The following PTDSS2 variants were observed in gnomAD, a reference collection of about 807,000 sequenced individuals.
PTDSS2 encodes phosphatidylserine synthase 2.
A neutral mutation model predicts 64.7 loss-of-function variants in PTDSS2; 41 were observed. The observed-to-expected ratio is 0.63, with a 90% CI of 0.49 to 0.82. The LOEUF is 0.82. Ranked by LOEUF, PTDSS2 falls within the 40% of genes least tolerant of loss-of-function variation. PTDSS2 has a pLI of 0.00. For synonymous variants in PTDSS2, 297 were observed against 277.8 expected, an observed-to-expected ratio of 1.07 and a Z score of -0.69; for missense variants, 485 against 650.0, an observed-to-expected ratio of 0.75 and a Z score of 2.76.
intron 1 of PTDSS2, among the ~76,000 whole-genome samples, chr11:452,607 T>C (rs1846389130): frequency 6.6e-6 from 1 of 152,172 alleles, no homozygotes. Context: ...GGTACCTCCT[T>C]CCTGGGTCTT....
At position 465,153 on chromosome 11, in the gene PTDSS2, T is replaced by C. The variant is rs1342439685; in HGVS notation, c.284+4865T>C. Among the ~76,000 whole-genome samples the C allele has an allele frequency of 2.0e-5, 3 of 152,188 alleles. No individual in the cohort carries two copies. In the East Asian group the frequency reaches 5.8e-4, roughly 29 times the overall value. On this transcript the variant is annotated intron_variant, in intron 2 of 11. Coordinates refer to ENST00000308020, the MANE Select transcript of PTDSS2 (RefSeq NM_030783.3). ...CTCACAAAACCTAATTCTAAATGGA[T>C]TCTAGATAAGCCTAAATGTGAAATG...
intron 1 of PTDSS2, chr11:458,682 G>A (rs921974313): frequency 2.6e-5 from 4 of 152,008 alleles, no homozygotes; most frequent in Non-Finnish European, 5.9e-5. Flanking sequence ...ATTTTTTATA[G>A]AGATGGGGTC....
Position 490,787 on chromosome 11 carries a change from T to TGTGTGTACGCGTGTAC in PTDSS2, c.*206_*207insTGTGTACGCGTGTACG, listed in dbSNP as rs1848643238. On this transcript the variant is annotated 3_prime_UTR_variant, in exon 12 of 12. Coordinates refer to ENST00000308020, the MANE Select transcript of PTDSS2 (RefSeq NM_030783.3). ...ATGTGTACACGTGTGTACGTGTGTA[T>TGTGTGTACGCGTGTAC]GCGTGTGTGTACGCGTGTGTACGCG... 1.7e-6 allele frequency: 1 copy of TGTGTGTACGCGTGTAC among 574,012 alleles called. No homozygotes were observed. Among genetic ancestry groups the TGTGTGTACGCGTGTAC allele is most frequent in the Admixed American group, 3.6e-5 (1 of 27,856 alleles). The allele number at this position is 574,012 out of a possible 1,614,324, so 35.6% of individuals were successfully genotyped here. A position where few individuals can be genotyped will look rare whatever the true frequency, so the allele number is the denominator to read the frequency against.
In PTDSS2 at chr11:476,537, G is replaced by A. The variant is rs923636945; in HGVS notation, c.368-2548G>A. On this transcript the variant is annotated intron_variant, in intron 3 of 11. Coordinates refer to ENST00000308020, the MANE Select transcript of PTDSS2 (RefSeq NM_030783.3). This position sits in a 1 kb window ranked among gnomAD's most constrained non-coding sequence, Gnocchi z 4.9. ...TGGGTGGCGGCATCACTGGGGACTG[G>A]GACGCAGCCGTGAGTGGGACAGACT... Among the ~76,000 whole-genome samples the A allele has an allele frequency of 7.9e-5, 12 of 152,244 alleles. No homozygotes were observed. The highest frequency in any genetic ancestry group is 2.9e-4 in the African/African-American group (12 of 41,542).
At chr11:458,094 C>T (rs1047926941) in intron 1 of PTDSS2, among the ~76,000 whole-genome samples, 1 of 152,024 alleles carries the variant, frequency 6.6e-6, no homozygotes, top group Non-Finnish European at 1.5e-5. Context: ...TGCTTATTGG[C>T]CATTTGTATG....
rs143733004 is a variant in PTDSS2 at position 486,044 on chromosome 11, A to G, written c.436-895A>G. Among the ~76,000 whole-genome samples, 1,264 of 151,478 alleles carry G rather than the reference A, an allele frequency of 8.3e-3. 55 individuals carry two copies. Among genetic ancestry groups the G allele is most frequent in the African/African-American group, 0.028 (1,161 of 41,060 alleles). ...TCACCGTGTGCGCAGGCGAGTGTAA[A>G]CAGTGCACGGGCGTGTGTGTTCACC... is the stretch of plus-strand genomic sequence containing the variant. On this transcript the variant is annotated intron_variant, in intron 4 of 11. Transcript: ENST00000308020.
At chr11:457,565 GGTC>G (rs763686356) in intron 1 of PTDSS2, among the ~76,000 whole-genome samples, 4 of 152,212 alleles carry the variant, frequency 2.6e-5, no homozygotes, top group Non-Finnish European at 5.9e-5. Flanking sequence ...TCCACGTTGA[GGTC>G]GTTGCCAGCA....
intron 1 of PTDSS2, chr11:459,946 A>G (rs1255225135): frequency 1.9e-6 from 1 of 514,690 alleles, no homozygotes; most frequent in Non-Finnish European, 3.5e-6. Context: ...TCAGCTTCCC[A>G]GGAACACGGG....
intron 3 of PTDSS2, among the ~76,000 whole-genome samples, chr11:475,117 G>GT (rs1847695669): frequency 6.8e-6 from 1 of 146,792 alleles, no homozygotes; most frequent in African/African-American, 2.6e-5. Flanking sequence ...GCGTTTGTGT[G>GT]ATACGGACAT....
At chr11:487,191 A>G in intron 5 of PTDSS2, 118 bp downstream of exon 5, 1 of 1,110,298 alleles carries the variant, frequency 9.0e-7, no homozygotes, top group Middle Eastern at 2.9e-4. Context: ...CTCCTGGTGC[A>G]GAGATGTGCT....
chr11:458,485 G>A (rs1168323785), intron 1 of PTDSS2, among the ~76,000 whole-genome samples: 5 of 148,842 alleles, frequency 3.4e-5, no homozygotes, highest in Admixed American at 1.3e-4. Flanking sequence ...GATTATAGGC[G>A]TGAGCCACCG....
intron 1 of PTDSS2, among the ~76,000 whole-genome samples, chr11:450,979 C>T (rs944273632): frequency 6.6e-6 from 1 of 152,134 alleles, no homozygotes; most frequent in African/African-American, 2.4e-5. Flanking sequence ...CCGCCACCCG[C>T]CTCCAGCGTC....
chr11:490,087 C>T lies in PTDSS2; in HGVS notation c.1301+19C>T, dbSNP rs749946271. 1.4e-5 allele frequency: 23 copies of T among 1,589,726 alleles called. No homozygotes were observed. Among genetic ancestry groups the T allele is most frequent in the Non-Finnish European group, 1.9e-5 (22 of 1,170,364 alleles). On this transcript the variant is annotated intron_variant, in intron 11 of 11. Coordinates refer to ENST00000308020, the MANE Select transcript of PTDSS2 (RefSeq NM_030783.3). ...TCCTGCGGTGAGTCAGGGCAGGGCG[C>T]GTATGTTCTGAAGGAGGGCCGCTGT...
At chr11:469,158 A>G (rs1590638494) in intron 2 of PTDSS2, among the ~76,000 whole-genome samples, 2 of 75,930 alleles carry the variant, frequency 2.6e-5, no homozygotes, top group African/African-American at 1.1e-4. Context: ...GGTAATTGGA[A>G]GGAGGAGGAG....
chr11:469,304 T>A (rs1424637783), intron 2 of PTDSS2, among the ~76,000 whole-genome samples: 1 of 97,770 alleles, frequency 1.0e-5, no homozygotes, highest in Admixed American at 1.0e-4. Context: ...GAGGGGAGTC[T>A]CTGGGTAATC....
At chr11:449,317 C>T (rs551620784), upstream of PTDSS2, among the ~76,000 whole-genome samples, 1 of 152,350 alleles carries the variant, frequency 6.6e-6, no homozygotes, top group Non-Finnish European at 1.5e-5. Context: ...ATCCGCCCGC[C>T]TTGGCCTCCC....
Position 450,511 on chromosome 11 carries a change from C to G in PTDSS2, c.56C>G (p.Pro19Arg), listed in dbSNP as rs1846266851. 1 of 1,239,262 alleles carries G rather than the reference C, an allele frequency of 8.1e-7. No homozygotes were observed. The highest frequency in any genetic ancestry group is 1.0e-6 in the Non-Finnish European group (1 of 985,028). The allele number at this position is 1,239,262 out of a possible 1,614,324, so 76.8% of individuals were successfully genotyped here. The change falls in exon 1 of 12, where the codon CCC (proline) becomes CGC (arginine). Residue 19 changes from proline (P) to arginine (R), a missense_variant. Physicochemically the swap from Pro to Arg is moderately radical, Grantham distance 103 (BLOSUM62 -2). This residue lies in a region of PTDSS2 where 251 missense variants were observed against 348.0 expected (regional missense o/e 0.72). Coordinates refer to ENST00000308020, the MANE Select transcript of PTDSS2 (RefSeq NM_030783.3). ...GGTCCGCGGCCCGAGTCCCCGGTGC[C>G]CGCGGGCAGGGCCTCGCTGGAGGAG... ...AGGPRPESPV[P>R]AGRASLEEPP...
intron 4 of PTDSS2, among the ~76,000 whole-genome samples, chr11:485,767 G>A (rs1305711867): frequency 7.2e-6 from 1 of 138,774 alleles, no homozygotes; most frequent in Non-Finnish European, 1.6e-5. Flanking sequence ...AACAGTGCAC[G>A]GGCGCGCGTG....
chr11:489,316 G>A (rs1021309516), intron 8 of PTDSS2, 84 bp from the exon 9 acceptor site: 2 of 1,190,456 alleles, frequency 1.7e-6, no homozygotes, highest in African/African-American at 1.5e-5. Flanking sequence ...GGGGCCGGGT[G>A]ACCAGGAACA....
Sources: gnomAD v4.1 joint callset for allele counts (sites outside exome capture counted in the v4.1 genomes callset) on GRCh38, gnomAD v4.1.1 for gene constraint, gnomAD v4.1.1 regional missense constraint, Gnocchi (gnomAD v3.1) non-coding constraint, MANE v1.5 for transcripts, NCBI Gene and HGNC (gene_info 2026-07-23, HGNC 2026-07-21) for gene names.